The following AUH variants were observed in gnomAD, a reference collection of about 807,000 sequenced individuals.
The protein encoded by AUH is AU RNA binding methylglutaconyl-CoA hydratase.
Under a neutral mutation model 42.3 loss-of-function variants are expected in AUH, and 29 were observed. That is an observed-to-expected ratio of 0.69 (90% CI 0.51 to 0.93). AUH has a LOEUF of 0.93. Among genes scored for constraint, AUH ranks in the 40% least tolerant of loss-of-function variants. AUH has a pLI of 0.00. For missense variants in AUH, 452 were observed against 438.1 expected (o/e 1.03, Z -0.28); for synonymous variants, 174 against 166.4 (o/e 1.05, Z -0.35).
chr9:91,323,621 CAA>C (rs34091687), intron 4 of AUH, among the ~76,000 whole-genome samples: 5 of 67,890 alleles, frequency 7.4e-5, no homozygotes, highest in Non-Finnish European at 6.2e-5. Context: ...GACTCCGGCT[CAA>C]AAAAAAAAAA....
intron 6 of AUH, among the ~76,000 whole-genome samples, chr9:91,255,077 T>C (rs1829337849): frequency 2.0e-5 from 3 of 152,332 alleles, no homozygotes; most frequent in Non-Finnish European, 4.4e-5. Flanking sequence ...AAAGGGTTTA[T>C]ATATTTAAAA....
At chr9:91,232,648 A>G (rs1425222917) in intron 6 of AUH, among the ~76,000 whole-genome samples, 1 of 152,208 alleles carries the variant, frequency 6.6e-6, no homozygotes, top group Non-Finnish European at 1.5e-5. Context: ...TTACTATGCT[A>G]TGAAGAAAGA....
At chr9:91,290,045 A>G (rs1826731085) in intron 6 of AUH, among the ~76,000 whole-genome samples, 1 of 152,236 alleles carries the variant, frequency 6.6e-6, no homozygotes, top group African/African-American at 2.4e-5. Flanking sequence ...TCAAAGCTAC[A>G]TAACATTTTA....
chr9:91,302,613 C>A (rs1194180773), intron 4 of AUH, among the ~76,000 whole-genome samples: 2 of 150,428 alleles, frequency 1.3e-5, no homozygotes, highest in Non-Finnish European at 3.0e-5. Context: ...AACAAACAAA[C>A]AAAAAAATTA....
chr9:91,336,039 T>C (rs1564113699), intron 3 of AUH, among the ~76,000 whole-genome samples: 1 of 152,206 alleles, frequency 6.6e-6, no homozygotes, highest in African/African-American at 2.4e-5. Flanking sequence ...ACCAACACTC[T>C]ATCAGCTGGG....
intron 6 of AUH, among the ~76,000 whole-genome samples, chr9:91,245,057 C>G: frequency 6.6e-6 from 1 of 152,118 alleles, no homozygotes; most frequent in Middle Eastern, 3.2e-3. Context: ...AGAGCAACAA[C>G]AATTAGTTGA....
chr9:91,356,211 C>G, intron 1 of AUH, 56 bp from the exon 2 acceptor site: 1 of 1,379,688 alleles, frequency 7.2e-7, no homozygotes, highest in Non-Finnish European at 1.0e-6. Flanking sequence ...ATTCAGAGAA[C>G]AGACTCTACA....
chr9:91,288,337 T>C (rs1826582417), intron 6 of AUH, among the ~76,000 whole-genome samples: 1 of 152,132 alleles, frequency 6.6e-6, no homozygotes, highest in Non-Finnish European at 1.5e-5. Context: ...GAAAGTACTG[T>C]TTTAGGAACT....
chr9:91,324,632 GTT>G (rs978721690), intron 4 of AUH, among the ~76,000 whole-genome samples: 4 of 139,474 alleles, frequency 2.9e-5, no homozygotes, highest in Non-Finnish European at 3.1e-5. Flanking sequence ...AAAATGTTGA[GTT>G]TTTTTTTTTT....
intron 6 of AUH, among the ~76,000 whole-genome samples, chr9:91,253,781 T>C (rs1315117970): frequency 6.6e-6 from 1 of 152,248 alleles, no homozygotes; most frequent in African/African-American, 2.4e-5. Flanking sequence ...GATTAGTCTA[T>C]CAAGGTTATC....
At chr9:91,267,809 C>T (rs1249769890) in intron 6 of AUH, among the ~76,000 whole-genome samples, 1 of 152,102 alleles carries the variant, frequency 6.6e-6, no homozygotes. Flanking sequence ...CCTTTCCTAG[C>T]CCCTTTTCTC....
chr9:91,293,807 G>T (rs1332417151), intron 6 of AUH, among the ~76,000 whole-genome samples: 1 of 152,170 alleles, frequency 6.6e-6, no homozygotes, highest in Non-Finnish European at 1.5e-5. Flanking sequence ...ATTAGAAGAA[G>T]ATGTTATCCA....
At chr9:91,292,234 G>A (rs1007169507) in intron 6 of AUH, among the ~76,000 whole-genome samples, 2 of 150,358 alleles carry the variant, frequency 1.3e-5, no homozygotes, top group African/African-American at 2.4e-5. Flanking sequence ...TCCCACTGCA[G>A]AGAAACACAA....
intron 4 of AUH, among the ~76,000 whole-genome samples, chr9:91,310,858 C>T (rs933495116): frequency 6.6e-6 from 1 of 152,148 alleles, no homozygotes; most frequent in Admixed American, 6.5e-5. Context: ...CAATATCAAA[C>T]CTCTGCAGAA....
At chr9:91,255,488 T>C (rs896918299) in intron 6 of AUH, among the ~76,000 whole-genome samples, 7 of 152,164 alleles carry the variant, frequency 4.6e-5, no homozygotes, top group Non-Finnish European at 8.8e-5. Context: ...AAGAATGTAG[T>C]TTTTAAAAGA....
chr9:91,218,938 C>A, intron 7 of AUH: 2 of 985,300 alleles, frequency 2.0e-6, no homozygotes, highest in South Asian at 9.4e-5. Flanking sequence ...TATACATCAA[C>A]ATCTTCTTAT....
At chr9:91,342,040 A>C (rs1831144735) in intron 3 of AUH, among the ~76,000 whole-genome samples, 1 of 152,228 alleles carries the variant, frequency 6.6e-6, no homozygotes, top group Non-Finnish European at 1.5e-5. Context: ...AGAGTAGGCG[A>C]GACCTGACAC....
At chr9:91,219,711 T>C (rs976149320) in intron 7 of AUH, among the ~76,000 whole-genome samples, 9 of 152,208 alleles carry the variant, frequency 5.9e-5, no homozygotes, top group Admixed American at 2.0e-4. Flanking sequence ...CCAGGCAGTG[T>C]GGTTTTAAAA....
At chr9:91,346,027 C>T (rs1473653068) in intron 3 of AUH, among the ~76,000 whole-genome samples, 1 of 152,000 alleles carries the variant, frequency 6.6e-6, no homozygotes, top group African/African-American at 2.4e-5. Context: ...AATACTTCGT[C>T]GTTTTTATTC....
Sources: allele counts gnomAD v4.1 joint callset (sites outside exome capture counted in the v4.1 genomes callset), GRCh38; gene constraint gnomAD v4.1.1; transcripts MANE v1.5; gene names NCBI Gene and HGNC (gene_info 2026-07-23, HGNC 2026-07-21).